Variants in TMTC1 observed in about 807,000 individuals in gnomAD.
TMTC1 encodes the protein protein O-mannosyl-transferase TMTC1.
Under a neutral mutation model 104.8 loss-of-function variants are expected in TMTC1, and 73 were observed. The ratio of observed to expected loss-of-function variants is 0.70; its 90% CI spans 0.58 to 0.85. TMTC1 has a LOEUF of 0.85. TMTC1 is among the 40% of genes least tolerant of loss of function. The pLI is 0.00. For missense variants in TMTC1, 1,035 were observed against 1,096.1 expected, an observed-to-expected ratio of 0.94 and a Z score of 0.79; for synonymous variants, 434 against 428.7, an observed-to-expected ratio of 1.01 and a Z score of -0.15.
chr12:29,528,381 G>A (rs969605130), intron 11 of TMTC1, among the ~76,000 whole-genome samples: 7 of 152,224 alleles, frequency 4.6e-5, no homozygotes, highest in South Asian at 2.1e-4. Flanking sequence ...GCCATCCTGC[G>A]AAATTGGCCT....
intron 5 of TMTC1, among the ~76,000 whole-genome samples, chr12:29,658,992 A>T (rs1382711760): frequency 6.6e-6 from 1 of 152,264 alleles, no homozygotes; most frequent in African/African-American, 2.4e-5. Flanking sequence ...AATCAGATCC[A>T]CTGATCAGCA....
chr12:29,758,379 G>A (rs1293061326), intron 3 of TMTC1, among the ~76,000 whole-genome samples: 2 of 152,148 alleles, frequency 1.3e-5, no homozygotes, highest in African/African-American at 2.4e-5. Context: ...AGAGAACATT[G>A]CATCAAATAC....
chr12:29,608,778 T>TA (rs756668188), intron 6 of TMTC1, among the ~76,000 whole-genome samples: 3 of 151,972 alleles, frequency 2.0e-5, no homozygotes, highest in Non-Finnish European at 2.9e-5. Flanking sequence ...TCGGCACAAA[T>TA]ACACATCAGG....
intron 5 of TMTC1, among the ~76,000 whole-genome samples, chr12:29,693,709 C>T (rs1288925959): frequency 6.6e-6 from 1 of 152,126 alleles, no homozygotes; most frequent in Non-Finnish European, 1.5e-5. Context: ...CTACTAGTAT[C>T]ATTTTTTATA....
chr12:29,553,274 A>G (rs1945154339), intron 10 of TMTC1, among the ~76,000 whole-genome samples: 1 of 152,198 alleles, frequency 6.6e-6, no homozygotes, highest in Admixed American at 6.5e-5. Context: ...TGGTTTCCTC[A>G]CCGGTAAAAT....
intron 7 of TMTC1, 121 bp from the exon 8 acceptor site, chr12:29,583,695 A>C: frequency 1.2e-6 from 1 of 863,188 alleles, no homozygotes; most frequent in South Asian, 2.0e-5. Flanking sequence ...AACAAATAGA[A>C]ACTCCCCTGC....
intron 7 of TMTC1, among the ~76,000 whole-genome samples, chr12:29,587,052 A>G (rs1946156162): frequency 6.6e-6 from 1 of 152,114 alleles, no homozygotes; most frequent in Admixed American, 6.5e-5. Flanking sequence ...TCGGCTGTGA[A>G]TCCATCTGGC....
chr12:29,536,135 T>C (rs34867963), intron 11 of TMTC1, 74 bp downstream of exon 11: 10,651 of 996,182 alleles, frequency 0.011, 138 homozygotes, highest in Admixed American at 0.043. Context: ...AAATCATTAG[T>C]ACAAAAATCT....
chr12:29,740,607 T>C (rs1942800205), intron 5 of TMTC1, among the ~76,000 whole-genome samples: 2 of 152,098 alleles, frequency 1.3e-5, no homozygotes, highest in South Asian at 2.1e-4. Context: ...GATATAGATA[T>C]ATAGATACAT....
In TMTC1 at chr12:29,773,916, C is replaced by A. The variant is rs1336449386; in HGVS notation, c.303-5841G>T. Among the ~76,000 whole-genome samples, 7 of 152,106 alleles carry A rather than the reference C, an allele frequency of 4.6e-5. No homozygotes were observed. In the East Asian group the frequency reaches 1.3e-3, roughly 29 times the overall value. ...ATCACACCTGGCCTACAGAAGAGATCCACCAAAGAGCTTCTCGAAGTTGCA... is the reference window on the plus strand; with the variant it reads ...ATCACACCTGGCCTACAGAAGAGATACACCAAAGAGCTTCTCGAAGTTGCA... On this transcript the variant is annotated intron_variant, in intron 1 of 17. Coordinates refer to ENST00000539277, the MANE Select transcript of TMTC1 (RefSeq NM_001193451.2).
chr12:29,654,454 A>C (rs917131805), intron 5 of TMTC1, among the ~76,000 whole-genome samples: 1 of 152,210 alleles, frequency 6.6e-6, no homozygotes, highest in African/African-American at 2.4e-5. Context: ...CAAAAAGACA[A>C]ATGTTGGTGA....
chr12:29,597,086 C>T (rs778389410), intron 7 of TMTC1, among the ~76,000 whole-genome samples: 4 of 152,176 alleles, frequency 2.6e-5, no homozygotes, highest in African/African-American at 7.2e-5. Context: ...AAGCCATCCG[C>T]AGTATCATCT....
At chr12:29,544,131 T>G (rs1944876963) in intron 10 of TMTC1, among the ~76,000 whole-genome samples, 1 of 151,380 alleles carries the variant, frequency 6.6e-6, no homozygotes, top group South Asian at 2.1e-4. Flanking sequence ...TAATCCCAGC[T>G]ACTCGGGAGG....
intron 10 of TMTC1, 137 bp downstream of exon 10, chr12:29,556,720 C>T (rs780121256): frequency 2.9e-5 from 29 of 1,012,778 alleles, no homozygotes; most frequent in Non-Finnish European, 4.0e-5. Flanking sequence ...ATGCATGTTA[C>T]ACCCTCCCAA....
chr12:29,561,419 CAG>C (rs566136747), intron 9 of TMTC1, among the ~76,000 whole-genome samples: 89 of 152,252 alleles, frequency 5.8e-4, no homozygotes, highest in African/African-American at 2.1e-3. Context: ...ACTCAATACC[CAG>C]AAAGTTTGGC....
intron 5 of TMTC1, among the ~76,000 whole-genome samples, chr12:29,740,881 G>A (rs1016446666): frequency 1.3e-5 from 2 of 152,154 alleles, no homozygotes; most frequent in African/African-American, 4.8e-5. Flanking sequence ...TTTTGACCTT[G>A]CCAGTTCCTG....
At chr12:29,667,514 C>A (rs1327789288) in intron 5 of TMTC1, among the ~76,000 whole-genome samples, 1 of 152,098 alleles carries the variant, frequency 6.6e-6, no homozygotes, top group Non-Finnish European at 1.5e-5. Context: ...AATTTCAGTT[C>A]TCTTAACCAT....
chr12:29,617,019 G>A (rs886152099), intron 6 of TMTC1, among the ~76,000 whole-genome samples: 6 of 152,040 alleles, frequency 3.9e-5, no homozygotes, highest in African/African-American at 1.4e-4. Context: ...AATCTCTAAT[G>A]TTTTATCTTA....
rs1282639787 is a variant in TMTC1, at chr12:29,650,112, C to CT, written c.939-16777dup. Among the ~76,000 whole-genome samples the CT allele has an allele frequency of 7.5e-5, 11 of 147,462 alleles. No homozygotes were observed. The East Asian group carries it at 1.8e-3, about 24-fold the overall frequency. ...CTTTTTTTTTTTTTCTTTGAGGAGT[C>CT]TCGGTCTGTTGCCCAGGCTGAAGTG... is the stretch of plus-strand genomic sequence containing the variant. On this transcript the variant is annotated intron_variant, in intron 5 of 17. Coordinates refer to ENST00000539277, the MANE Select transcript of TMTC1 (RefSeq NM_001193451.2).
Sources: allele counts gnomAD v4.1 joint callset (sites outside exome capture counted in the v4.1 genomes callset), GRCh38; gene constraint gnomAD v4.1.1; transcripts MANE v1.5; gene names NCBI Gene and HGNC (gene_info 2026-07-23, HGNC 2026-07-21).